TSGA10: variants seen among roughly 807,000 people sequenced by gnomAD.
The protein encoded by TSGA10 is testis-specific gene 10 protein.
TSGA10 carries 43 observed loss-of-function variants against 96.6 expected under a neutral mutation model. The ratio of observed to expected loss-of-function variants is 0.44; its 90% confidence interval spans 0.35 to 0.57. TSGA10 has a LOEUF of 0.57. Among genes scored for constraint, TSGA10 ranks in the 20% least tolerant of loss-of-function variants. The probability of loss-of-function intolerance (pLI) is 0.01; values close to 1 mark genes in which losing one functional copy is unlikely to be tolerated. For synonymous variants in TSGA10, 229 were observed against 269.9 expected, an observed-to-expected ratio of 0.85 and a Z score of 1.48; for missense variants, 703 against 834.4, an observed-to-expected ratio of 0.84 and a Z score of 1.94.
chr2:99,047,074 A>G lies in TSGA10; in HGVS notation c.1405-11635T>C, dbSNP rs566384224. 2.5e-4 allele frequency among the ~76,000 whole-genome samples: 38 copies of G among 152,300 alleles called. 1 individual carries two copies. The highest frequency in any genetic ancestry group is 2.4e-3 in the Admixed American group (36 of 15,300). ...AATAACAGGCTCTGAAATTGAGGCAATAATTAATAGCTTACCAATCAAAAA... is the reference window on the plus strand; with the variant it reads ...AATAACAGGCTCTGAAATTGAGGCAGTAATTAATAGCTTACCAATCAAAAA... On this transcript the variant is annotated intron_variant, in intron 16 of 20. Transcript: ENST00000393483.
chr2:99,073,706 A>G (rs2086253355), intron 12 of TSGA10, among the ~76,000 whole-genome samples: 1 of 152,154 alleles, frequency 6.6e-6, no homozygotes, highest in Non-Finnish European at 1.5e-5. Context: ...CAAAGGCGTG[A>G]TGAGGGAGTA....
chr2:99,094,399 T>C (rs2089768944), intron 10 of TSGA10, among the ~76,000 whole-genome samples: 1 of 151,794 alleles, frequency 6.6e-6, no homozygotes, highest in Non-Finnish European at 1.5e-5. Context: ...AATAAGTAGG[T>C]AGGACTTAAT....
At chr2:99,037,986 G>A (rs12467679) in intron 16 of TSGA10, among the ~76,000 whole-genome samples, 52,184 of 151,726 alleles carry the variant, frequency 0.34, 10,091 homozygotes, top group African/African-American at 0.53. Flanking sequence ...AAGCTAGAAG[G>A]GATTGGGGTC....
intron 4 of TSGA10, among the ~76,000 whole-genome samples, chr2:99,112,539 A>T (rs1010135684): frequency 1.2e-4 from 13 of 106,718 alleles, no homozygotes; most frequent in Non-Finnish European, 2.7e-4. Context: ...GGTGGTCAGG[A>T]AGTCCTCATT....
chr2:99,141,067 C>G (rs1190895922), intron 1 of TSGA10: 1 of 1,280,730 alleles, frequency 7.8e-7, no homozygotes, highest in Non-Finnish European at 1.0e-6. Context: ...ACCCCGCGCA[C>G]CTCCGCAGCT....
At chr2:99,104,249 G>GATA in intron 9 of TSGA10, 131 bp from the exon 10 acceptor site, 6 of 984,544 alleles carry the variant, frequency 6.1e-6, no homozygotes, top group African/African-American at 3.2e-5. Flanking sequence ...GGTTAGACCT[G>GATA]ACTGCTGTAG....
intron 20 of TSGA10, among the ~76,000 whole-genome samples, chr2:99,008,490 TA>T (rs1189619689): frequency 6.6e-6 from 1 of 152,200 alleles, no homozygotes; most frequent in African/African-American, 2.4e-5. Context: ...TACACTGAAA[TA>T]CCATTTCTCA....
At chr2:99,127,023 A>G (rs2092865310) in intron 2 of TSGA10, 25 bp downstream of exon 2, 1 of 1,284,352 alleles carries the variant, frequency 7.8e-7, no homozygotes, top group Non-Finnish European at 1.0e-6. Flanking sequence ...TTAAGTCAGG[A>G]AAATATGTTG....
intron 14 of TSGA10, 39 bp from the exon 15 acceptor site, chr2:99,069,037 A>T (rs2085613809): frequency 1.8e-6 from 2 of 1,139,066 alleles, no homozygotes; most frequent in East Asian, 5.7e-5. Flanking sequence ...TATGAAAAAT[A>T]AAAAATTTCT....
chr2:99,040,710 T>A (rs1398804651), intron 16 of TSGA10, among the ~76,000 whole-genome samples: 1 of 151,264 alleles, frequency 6.6e-6, no homozygotes, highest in African/African-American at 2.4e-5. Flanking sequence ...ATATACAAAT[T>A]CAAGGCAATT....
intron 4 of TSGA10, among the ~76,000 whole-genome samples, chr2:99,113,885 GAAC>G (rs941386126): frequency 3.3e-5 from 5 of 152,212 alleles, no homozygotes; most frequent in South Asian, 2.1e-4. Flanking sequence ...CAGTGAACCA[GAAC>G]AACCCAGCTA....
chr2:99,141,994 C>T (rs1025886996), intron 1 of TSGA10: 1 of 152,410 alleles, frequency 6.6e-6, no homozygotes, highest in African/African-American at 2.4e-5. Flanking sequence ...TTGGTCAGCT[C>T]TGCACGATCA....
intron 1 of TSGA10, among the ~76,000 whole-genome samples, chr2:99,145,021 C>T (rs1236517093): frequency 1.3e-5 from 2 of 152,190 alleles, no homozygotes; most frequent in African/African-American, 2.4e-5. Flanking sequence ...TATTATCACA[C>T]GGTTCTGGAG....
At chr2:99,005,281 G>A (rs1463842204) in intron 20 of TSGA10, among the ~76,000 whole-genome samples, 1 of 152,190 alleles carries the variant, frequency 6.6e-6, no homozygotes, top group Non-Finnish European at 1.5e-5. Flanking sequence ...TCTGTTGGAA[G>A]TGCTGACCAG....
chr2:99,005,063 G>A (rs956714277), intron 20 of TSGA10, among the ~76,000 whole-genome samples: 10 of 152,144 alleles, frequency 6.6e-5, no homozygotes, highest in African/African-American at 2.2e-4. Flanking sequence ...CTCAATAGAG[G>A]CAGAAAAGGC....
At chr2:99,012,020 T>A (rs35458525) in intron 20 of TSGA10, among the ~76,000 whole-genome samples, 2 of 152,094 alleles carry the variant, frequency 1.3e-5, no homozygotes, top group Non-Finnish European at 2.9e-5. Context: ...CCAGAAGGGA[T>A]TGGGGTCCCA....
At chr2:99,096,296 T>C (rs1179141832) in intron 10 of TSGA10, among the ~76,000 whole-genome samples, 2 of 152,252 alleles carry the variant, frequency 1.3e-5, no homozygotes, top group Admixed American at 1.3e-4. Flanking sequence ...GTTTTTTATG[T>C]CTTGGCAAGT....
intron 17 of TSGA10, among the ~76,000 whole-genome samples, chr2:99,029,867 C>T (rs190819179): frequency 3.3e-5 from 5 of 152,194 alleles, no homozygotes; most frequent in South Asian, 2.1e-4. Flanking sequence ...TAACTGACAC[C>T]GTGCTTAAGT....
chr2:99,150,637 C>T (rs767920215), intron 1 of TSGA10: 14 of 1,613,762 alleles, frequency 8.7e-6, no homozygotes, highest in African/African-American at 4.0e-5. Context: ...TCACTTAATA[C>T]GAGGGACTGA....
Sources: gnomAD v4.1 joint callset for allele counts (sites outside exome capture counted in the v4.1 genomes callset) on GRCh38, gnomAD v4.1.1 for gene constraint, MANE v1.5 for transcripts, NCBI Gene and HGNC (gene_info 2026-07-23, HGNC 2026-07-21) for gene names.